CLIC4: variants seen among roughly 807,000 people sequenced by gnomAD.
CLIC4 encodes CLIC family member 4, also known as chloride intracellular channel protein 4.
In CLIC4, 13 loss-of-function variants were observed where a neutral mutation model predicts 24.6. That is an observed-to-expected ratio of 0.53 (90% confidence interval 0.34 to 0.84). The LOEUF is 0.84. Ranked by LOEUF, CLIC4 falls within the 40% of genes least tolerant of loss-of-function variation. The pLI is 0.01. For synonymous variants in CLIC4, 104 were observed against 111.3 expected (o/e 0.93, Z 0.41); for missense variants, 227 against 301.7 (o/e 0.75, Z 1.83).
At chr1:24,765,571 T>C (rs967824773) in intron 1 of CLIC4, among the ~76,000 whole-genome samples, 6 of 152,218 alleles carry the variant, frequency 3.9e-5, no homozygotes, top group African/African-American at 1.4e-4. Context: ...CAACTGTGTT[T>C]TGACCCTGAG....
chr1:24,772,572 G>A (rs1639082740), intron 1 of CLIC4, among the ~76,000 whole-genome samples: 3 of 152,178 alleles, frequency 2.0e-5, no homozygotes, highest in East Asian at 3.9e-4. Context: ...TGCAGTCTCC[G>A]CCTCCCAGAT....
chr1:24,776,299 C>T (rs1476711943), intron 1 of CLIC4, among the ~76,000 whole-genome samples: 2 of 152,102 alleles, frequency 1.3e-5, no homozygotes, highest in Non-Finnish European at 2.9e-5. Flanking sequence ...TTTAGCTGCC[C>T]TACATGGTGC....
chr1:24,840,123 A>G, intron 5 of CLIC4, 82 bp downstream of exon 5: 4 of 1,332,100 alleles, frequency 3.0e-6, no homozygotes, highest in South Asian at 1.4e-5. Context: ...TGCTCAAAAC[A>G]TTTCTGATTT....
intron 2 of CLIC4, among the ~76,000 whole-genome samples, chr1:24,802,656 T>G (rs544045825): frequency 2.6e-5 from 4 of 152,108 alleles, no homozygotes; most frequent in African/African-American, 7.2e-5. Context: ...TTCAGAGAGA[T>G]AATTTATTTT....
chr1:24,794,270 C>G (rs1472496323), intron 1 of CLIC4, among the ~76,000 whole-genome samples: 2 of 151,570 alleles, frequency 1.3e-5, no homozygotes, highest in Non-Finnish European at 2.9e-5. Flanking sequence ...TGCCACACTG[C>G]TTTCCACAAT....
chr1:24,804,688 T>C (rs893015529), intron 2 of CLIC4, among the ~76,000 whole-genome samples: 1 of 152,142 alleles, frequency 6.6e-6, no homozygotes, highest in Admixed American at 6.5e-5. Flanking sequence ...TCAAAGATGA[T>C]ACATCCTGTT....
chr1:24,756,713 G>C (rs1638856102), intron 1 of CLIC4, among the ~76,000 whole-genome samples: 1 of 152,046 alleles, frequency 6.6e-6, no homozygotes. Flanking sequence ...GATGAAAGCT[G>C]AGGTAATTAA....
At chr1:24,827,295 G>C (rs1371756561) in intron 4 of CLIC4, among the ~76,000 whole-genome samples, 179 bp downstream of exon 4, 1 of 152,192 alleles carries the variant, frequency 6.6e-6, no homozygotes, top group East Asian at 1.9e-4. Flanking sequence ...TCCCTATGTT[G>C]CTATTTTTCC....
rs374636757 is a variant in CLIC4 at position 24,772,977 on chromosome 1, C to A, written c.73-24765C>A. On this transcript the variant is annotated intron_variant, in intron 1 of 5. Transcript: ENST00000374379. ...TCTTCATTAATCCATTGTTCTTAGT[C>A]ATTTAGAGGTCTGAAATTTGGCTTT... Among the ~76,000 whole-genome samples, 5 of 152,146 alleles carry A rather than the reference C, an allele frequency of 3.3e-5. No individual in the cohort carries two copies. In the East Asian group the frequency reaches 7.7e-4, roughly 23 times the overall value.
At chr1:24,784,231 C>T (rs941129725) in intron 1 of CLIC4, among the ~76,000 whole-genome samples, 5 of 152,044 alleles carry the variant, frequency 3.3e-5, no homozygotes, top group Non-Finnish European at 5.9e-5. Context: ...TAACCCCGTC[C>T]CTTGAGTGTT....
intron 4 of CLIC4, among the ~76,000 whole-genome samples, chr1:24,828,058 G>C (rs758129203): frequency 3.3e-5 from 5 of 152,144 alleles, no homozygotes; most frequent in Non-Finnish European, 5.9e-5. Flanking sequence ...AAATGAACAA[G>C]AATACCAAAG....
chr1:24,827,706 C>T (rs150660881), intron 4 of CLIC4, among the ~76,000 whole-genome samples: 41 of 152,006 alleles, frequency 2.7e-4, no homozygotes, highest in African/African-American at 8.9e-4. Context: ...GTCATGTTTT[C>T]GCGGTAAGAG....
Position 24,810,971 on chromosome 1 carries a change from T to A in CLIC4, c.183-3123T>A, listed in dbSNP as rs575183385. Among the ~76,000 whole-genome samples the A allele has an allele frequency of 2.6e-5, 4 of 151,460 alleles. No individual in the cohort carries two copies. The South Asian group carries it at 8.3e-4, about 32-fold the overall frequency. ...GTGTGCGCCTGTAGTCCCAGCTACT[T>A]GGGAGGCTGAGGCAGGAGAATGGCG... On this transcript the variant is annotated intron_variant, in intron 2 of 5. Transcript: ENST00000374379.
intron 1 of CLIC4, among the ~76,000 whole-genome samples, 199 bp from the exon 2 acceptor site, chr1:24,797,543 A>G (rs1639417959): frequency 7.0e-6 from 1 of 142,908 alleles, no homozygotes; most frequent in Non-Finnish European, 1.5e-5. Context: ...TGACAGAAGG[A>G]GACCCTGTCT....
At chr1:24,779,299 G>C (rs1639177023) in intron 1 of CLIC4, among the ~76,000 whole-genome samples, 1 of 151,948 alleles carries the variant, frequency 6.6e-6, no homozygotes, top group African/African-American at 2.4e-5. Context: ...GTGAAACTCT[G>C]ATTCTACAAA....
intron 1 of CLIC4, among the ~76,000 whole-genome samples, chr1:24,753,013 G>A (rs559178406): frequency 2.0e-3 from 305 of 152,204 alleles, no homozygotes; most frequent in Non-Finnish European, 3.2e-3. Flanking sequence ...GAGCCACCGC[G>A]CCCAGCCTAA....
At chr1:24,801,001 A>G (rs551349774) in intron 2 of CLIC4, among the ~76,000 whole-genome samples, 1,756 of 149,814 alleles carry the variant, frequency 0.012, 15 homozygotes, top group Non-Finnish European at 0.02. Flanking sequence ...CCTTCCCTCC[A>G]CTATTGTCCC....
chr1:24,791,652 G>T (rs564270216), intron 1 of CLIC4, among the ~76,000 whole-genome samples: 2 of 152,242 alleles, frequency 1.3e-5, no homozygotes, highest in South Asian at 4.1e-4. Flanking sequence ...GAGGCGGGTG[G>T]ATCACCTGAG....
At chr1:24,767,143 G>A (rs1030505207) in intron 1 of CLIC4, among the ~76,000 whole-genome samples, 8 of 151,698 alleles carry the variant, frequency 5.3e-5, no homozygotes, top group Non-Finnish European at 4.4e-5. Flanking sequence ...TGGGCCACAT[G>A]TGGCCCACGG....
Sources: allele counts gnomAD v4.1 joint callset (sites outside exome capture counted in the v4.1 genomes callset), GRCh38; gene constraint gnomAD v4.1.1; transcripts MANE v1.5; gene names NCBI Gene and HGNC (gene_info 2026-07-23, HGNC 2026-07-21).